Variants in KDM2A observed in about 807,000 individuals in gnomAD.
KDM2A encodes lysine-specific demethylase 2A.
A neutral mutation model predicts 137.3 loss-of-function variants in KDM2A; 3 were observed. That is an observed-to-expected ratio of 0.02 (90% CI 0.01 to 0.06). The LOEUF (loss-of-function observed/expected upper bound fraction) is 0.06, where lower values mean the gene tolerates loss of function less well. Among genes scored for constraint, KDM2A ranks in the 10% least tolerant of loss-of-function variants. The pLI is 1.00. For synonymous variants in KDM2A, 512 were observed against 541.5 expected, an observed-to-expected ratio of 0.95 and a Z score of 0.76; for missense variants, 738 against 1,510.6, an observed-to-expected ratio of 0.49 and a Z score of 8.48.
At chr11:67,228,562 C>T (rs1049155761) in intron 11 of KDM2A, among the ~76,000 whole-genome samples, 3 of 151,428 alleles carry the variant, frequency 2.0e-5, no homozygotes, top group Non-Finnish European at 2.9e-5. Context: ...CATGGTGGCT[C>T]GAGTCCCAGC....
chr11:67,196,677 A>G (rs774904045), intron 5 of KDM2A: 2 of 324,938 alleles, frequency 6.2e-6, no homozygotes, highest in Non-Finnish European at 1.2e-5. Flanking sequence ...AGAGTAACCA[A>G]AATCATGGAG....
At chr11:67,188,398 C>T (rs949581778) in intron 5 of KDM2A, among the ~76,000 whole-genome samples, 4 of 150,772 alleles carry the variant, frequency 2.7e-5, no homozygotes, top group South Asian at 2.1e-4. Flanking sequence ...AGGAGAATGG[C>T]GTGAACCCGG....
At position 67,174,009 on chromosome 11, in the gene KDM2A, C is replaced by T. The variant is rs182104239; in HGVS notation, c.43-6070C>T. ...GTATTACAGGCATGAGCCACCATGC[C>T]CACTTTGGGAGGCCACGGCAGGCAA... On this transcript the variant is annotated intron_variant, in intron 2 of 20. Transcript: ENST00000529006. 9.2e-5 allele frequency among the ~76,000 whole-genome samples: 14 copies of T among 152,230 alleles called. No individual in the cohort carries two copies. The East Asian group carries it at 2.1e-3, about 23-fold the overall frequency.
At chr11:67,169,738 TC>T (rs1308864092) in intron 2 of KDM2A, among the ~76,000 whole-genome samples, 11 of 41,036 alleles carry the variant, frequency 2.7e-4, no homozygotes, top group African/African-American at 4.2e-4. Context: ...TCTCCTTCTC[TC>T]TCTCTCTCTC....
At chr11:67,171,295 C>T (rs1006953135) in intron 2 of KDM2A, among the ~76,000 whole-genome samples, 4 of 152,166 alleles carry the variant, frequency 2.6e-5, no homozygotes, top group Non-Finnish European at 5.9e-5. Flanking sequence ...ACAGACGAGG[C>T]CGAGTCTGAA....
intron 5 of KDM2A, among the ~76,000 whole-genome samples, chr11:67,186,693 T>C (rs1252325834): frequency 6.6e-6 from 1 of 152,240 alleles, no homozygotes; most frequent in Non-Finnish European, 1.5e-5. Context: ...AGACAGTTGT[T>C]AGCCTAAAAT....
At chr11:67,149,541 C>A (rs1214909774) in intron 2 of KDM2A, among the ~76,000 whole-genome samples, 2 of 151,762 alleles carry the variant, frequency 1.3e-5, no homozygotes, top group Admixed American at 1.3e-4. Context: ...GCTAAAGAGC[C>A]CCTTAGCCAC....
At chr11:67,212,796 A>G (rs1858032601) in intron 6 of KDM2A, among the ~76,000 whole-genome samples, 1 of 152,022 alleles carries the variant, frequency 6.6e-6, no homozygotes, top group Admixed American at 6.6e-5. Context: ...AAAAAAAAAA[A>G]TACTCATATG....
intron 5 of KDM2A, among the ~76,000 whole-genome samples, chr11:67,188,493 A>G (rs1266722687): frequency 2.7e-5 from 4 of 150,440 alleles, no homozygotes; most frequent in South Asian, 2.1e-4. Flanking sequence ...AAAAAAAAAA[A>G]AAAGAAAGAA....
At chr11:67,246,567 T>A (rs1394902871) in intron 15 of KDM2A, among the ~76,000 whole-genome samples, 1 of 151,676 alleles carries the variant, frequency 6.6e-6, no homozygotes, top group African/African-American at 2.4e-5. Context: ...CAGAGCTAAA[T>A]AGCTTTAAAA....
At chr11:67,249,905 G>T (rs1161302884) in intron 16 of KDM2A, among the ~76,000 whole-genome samples, 181 bp from the exon 17 acceptor site, 1 of 152,202 alleles carries the variant, frequency 6.6e-6, no homozygotes, top group Non-Finnish European at 1.5e-5. Context: ...GCCAAGGCAG[G>T]TGGATCACTT....
rs760984462 is a variant in KDM2A at position 67,250,518 on chromosome 11, C to T, written c.2488C>T (p.Arg830Cys). ...QAITASSANL[R>C]HSPRVLVQHC... is the part of the protein sequence containing the mutation. Reference sequence around the variant, plus strand: ...CATCACGGCCTCCTCTGCCAACCTTCGCCATTCCCCCCGTGTGCTAGTGCA... The same window carrying T: ...CATCACGGCCTCCTCTGCCAACCTTTGCCATTCCCCCCGTGTGCTAGTGCA... Residue 830 changes from arginine (R) to cysteine (C), a missense_variant, in exon 17 of 21, where the codon CGC becomes TGC. By Grantham distance (180) the Arg-to-Cys change is radical. Coordinates refer to ENST00000529006, the MANE Select transcript of KDM2A (RefSeq NM_012308.3). This position sits in a 1 kb window ranked among gnomAD's most constrained non-coding sequence, Gnocchi z 7.1. 11 of 1,613,914 alleles carry T rather than the reference C, an allele frequency of 6.8e-6. No homozygotes were observed. Among genetic ancestry groups the T allele is most frequent in the East Asian group, 2.2e-5 (1 of 44,908 alleles).
chr11:67,243,990 AT>A (rs1481819132), intron 13 of KDM2A, among the ~76,000 whole-genome samples: 1 of 152,228 alleles, frequency 6.6e-6, no homozygotes, highest in Non-Finnish European at 1.5e-5. Context: ...AATTTGGCAA[AT>A]AAATGAGGCT....
chr11:67,244,292 G>A (rs1787223978), intron 13 of KDM2A, among the ~76,000 whole-genome samples: 1 of 152,196 alleles, frequency 6.6e-6, no homozygotes, highest in African/African-American at 2.4e-5. Context: ...CAGGGTAAAT[G>A]CAAATGCTAA....
At chr11:67,205,100 A>G (rs923201044) in intron 5 of KDM2A, among the ~76,000 whole-genome samples, 3 of 152,190 alleles carry the variant, frequency 2.0e-5, no homozygotes, top group African/African-American at 7.2e-5. Context: ...TAGCGGCTGC[A>G]CCATCTTATA....
intron 2 of KDM2A, among the ~76,000 whole-genome samples, chr11:67,160,895 C>T (rs535727701): frequency 1.3e-5 from 2 of 152,306 alleles, no homozygotes; most frequent in East Asian, 3.9e-4. Flanking sequence ...ATTGCTTGAG[C>T]CCAGGAGTTC....
chr11:67,143,080 G>A (rs1469667037), intron 2 of KDM2A: 3 of 142,304 alleles, frequency 2.1e-5, no homozygotes, highest in African/African-American at 8.1e-5. Context: ...GGAGTGCAAT[G>A]ACATGATCTC....
chr11:67,156,901 A>G (rs745735023), intron 2 of KDM2A, among the ~76,000 whole-genome samples: 2 of 151,532 alleles, frequency 1.3e-5, no homozygotes, highest in Non-Finnish European at 2.9e-5. Flanking sequence ...AAAAGAAAAT[A>G]TGAAATAGGA....
chr11:67,150,862 G>T (rs1179551802), intron 2 of KDM2A, among the ~76,000 whole-genome samples: 2 of 151,890 alleles, frequency 1.3e-5, no homozygotes, highest in African/African-American at 4.8e-5. Flanking sequence ...TTGGAGGTGG[G>T]GGTGGGGTGG....
Sources: allele counts gnomAD v4.1 joint callset (sites outside exome capture counted in the v4.1 genomes callset), GRCh38; gene constraint gnomAD v4.1.1; non-coding constraint Gnocchi (gnomAD v3.1); transcripts MANE v1.5; gene names NCBI Gene and HGNC (gene_info 2026-07-23, HGNC 2026-07-21).